The following NRG1 variants were observed in gnomAD, a reference collection of about 807,000 sequenced individuals.
The protein encoded by NRG1 is neuregulin 1.
Under a neutral mutation model 63.8 loss-of-function variants are expected in NRG1, and 18 were observed. The ratio of observed to expected loss-of-function variants is 0.28; its 90% CI spans 0.19 to 0.42. The LOEUF (loss-of-function observed/expected upper bound fraction) is 0.42. NRG1 is among the 10% of genes least tolerant of loss of function. The probability of loss-of-function intolerance (pLI) is 1.00; values close to 1 mark genes in which losing one functional copy is unlikely to be tolerated. For synonymous variants in NRG1, 302 were observed against 301.3 expected, an observed-to-expected ratio of 1.00 and a Z score of -0.02; for missense variants, 762 against 814.7, an observed-to-expected ratio of 0.94 and a Z score of 0.79.
At chr8:32,184,878 A>T (rs1345529157) in intron 1 of NRG1, among the ~76,000 whole-genome samples, 1 of 152,136 alleles carries the variant, frequency 6.6e-6, no homozygotes, top group South Asian at 2.1e-4. Flanking sequence ...GCTTCCAAGG[A>T]TACTTCCTTG....
intron 1 of NRG1, among the ~76,000 whole-genome samples, chr8:32,308,399 A>ATC (rs1457824863): frequency 1.3e-5 from 2 of 152,172 alleles, no homozygotes; most frequent in Non-Finnish European, 2.9e-5. Context: ...CTTAGACACT[A>ATC]TCTCATCCTC....
At chr8:32,488,006 G>A (rs1826112050) in intron 1 of NRG1, among the ~76,000 whole-genome samples, 1 of 152,130 alleles carries the variant, frequency 6.6e-6, no homozygotes. Flanking sequence ...GGTCTTTCTG[G>A]AGACTGTGGT....
intron 1 of NRG1, among the ~76,000 whole-genome samples, chr8:32,127,503 T>C (rs1834239418): frequency 6.7e-6 from 1 of 149,354 alleles, no homozygotes; most frequent in South Asian, 2.1e-4. Context: ...CCTACTCTGT[T>C]GGGTGGAATG....
At chr8:32,239,813 C>T (rs1474421634) in intron 1 of NRG1, among the ~76,000 whole-genome samples, 1 of 152,052 alleles carries the variant, frequency 6.6e-6, no homozygotes, top group Non-Finnish European at 1.5e-5. Context: ...AAAAGATGTT[C>T]AATATCATTA....
intron 1 of NRG1, among the ~76,000 whole-genome samples, chr8:31,906,652 C>A (rs970747921): frequency 1.3e-5 from 2 of 152,084 alleles, no homozygotes; most frequent in African/African-American, 4.8e-5. Flanking sequence ...TGAGGAAAAA[C>A]TCCCCTGTGT....
intron 1 of NRG1, among the ~76,000 whole-genome samples, chr8:32,282,756 T>C (rs1205092389): frequency 6.6e-6 from 1 of 152,242 alleles, no homozygotes; most frequent in Non-Finnish European, 1.5e-5. Flanking sequence ...AAAGACTTTA[T>C]TTGGTTTTAT....
intron 1 of NRG1, among the ~76,000 whole-genome samples, chr8:32,006,080 A>C (rs1390073748): frequency 6.6e-6 from 1 of 152,012 alleles, no homozygotes; most frequent in East Asian, 1.9e-4. Context: ...ATTATTCAAT[A>C]ACTACCTAGA....
intron 1 of NRG1, among the ~76,000 whole-genome samples, chr8:32,399,403 T>C (rs1017137131): frequency 1.3e-5 from 2 of 152,318 alleles, no homozygotes; most frequent in South Asian, 4.1e-4. Context: ...TTAAAAAAGT[T>C]TTGGGGTTAG....
chr8:31,709,656 A>C (rs571679749), intron 1 of NRG1, among the ~76,000 whole-genome samples: 1 of 152,002 alleles, frequency 6.6e-6, no homozygotes, highest in South Asian at 2.1e-4. Flanking sequence ...TAGAGTTTCT[A>C]TATCCTTTGG....
In NRG1 at chr8:31,676,793, A is replaced by G. The variant is rs76755478; in HGVS notation, c.37+37362A>G. Among the ~76,000 whole-genome samples, 1,206 of 152,330 alleles carry G rather than the reference A, an allele frequency of 7.9e-3. 15 individuals are homozygous for G. Among genetic ancestry groups the G allele is most frequent in the African/African-American group, 0.027 (1,131 of 41,578 alleles). ...TACCTATATGATCTTTGGGGAAATT[A>G]CTTTCCTCTCTAGACTTTAATTTCC... On this transcript the variant is annotated intron_variant, in intron 1 of 10. Transcript: ENST00000519301.
At chr8:32,097,015 C>T (rs953625842) in intron 1 of NRG1, among the ~76,000 whole-genome samples, 8 of 152,204 alleles carry the variant, frequency 5.3e-5, no homozygotes, top group African/African-American at 1.7e-4. Context: ...TCATCCTTCC[C>T]TGCCTTCAGT....
chr8:32,716,804 G>C (rs889837297), intron 5 of NRG1, among the ~76,000 whole-genome samples: 1 of 116,082 alleles, frequency 8.6e-6, no homozygotes, highest in African/African-American at 3.3e-5. Flanking sequence ...GTGTGTGCAT[G>C]TGTGTGTGTG....
chr8:32,002,198 A>G (rs1184682575), intron 1 of NRG1, among the ~76,000 whole-genome samples: 1 of 151,796 alleles, frequency 6.6e-6, no homozygotes, highest in Non-Finnish European at 1.5e-5. Flanking sequence ...AAATTTTTGT[A>G]TTTTTAGTAG....
intron 1 of NRG1, among the ~76,000 whole-genome samples, chr8:31,765,360 G>A (rs1399799985): frequency 4.6e-5 from 7 of 152,062 alleles, no homozygotes; most frequent in African/African-American, 1.4e-4. Context: ...AGAACTTCCA[G>A]TACTATATTG....
At chr8:32,025,945 A>T (rs1379121456) in intron 1 of NRG1, among the ~76,000 whole-genome samples, 1 of 56,960 alleles carries the variant, frequency 1.8e-5, no homozygotes, top group Non-Finnish European at 4.5e-5. Flanking sequence ...GACTCCGTCT[A>T]AAAAAAAAAA....
At chr8:32,133,598 C>T (rs978648627) in intron 1 of NRG1, among the ~76,000 whole-genome samples, 7 of 152,064 alleles carry the variant, frequency 4.6e-5, no homozygotes, top group African/African-American at 7.2e-5. Context: ...ACATTCATGA[C>T]CTAATTTAGG....
At chr8:32,396,928 A>AT (rs374613831) in intron 1 of NRG1, among the ~76,000 whole-genome samples, 12 of 152,166 alleles carry the variant, frequency 7.9e-5, no homozygotes, top group African/African-American at 2.6e-4. Flanking sequence ...GGAAATCTAT[A>AT]TTTTTTCTAT....
intron 1 of NRG1, among the ~76,000 whole-genome samples, chr8:32,312,575 G>C (rs1396362541): frequency 6.6e-6 from 1 of 151,952 alleles, no homozygotes; most frequent in Non-Finnish European, 1.5e-5. Flanking sequence ...GGGAGGTGAG[G>C]TTTGTGCCAT....
At chr8:31,712,337 C>A (rs1336488893) in intron 1 of NRG1, among the ~76,000 whole-genome samples, 1 of 139,270 alleles carries the variant, frequency 7.2e-6, no homozygotes, top group Non-Finnish European at 1.5e-5. Context: ...GCATTCTCAG[C>A]AGCTCACTGC....
Sources: allele counts gnomAD v4.1 joint callset (sites outside exome capture counted in the v4.1 genomes callset), GRCh38; gene constraint gnomAD v4.1.1; transcripts MANE v1.5; gene names NCBI Gene and HGNC (gene_info 2026-07-23, HGNC 2026-07-21).